The following COL26A1 variants were observed in gnomAD, a reference collection of about 807,000 sequenced individuals.
The protein encoded by COL26A1 is collagen alpha-1(XXVI) chain.
COL26A1 carries 41 observed loss-of-function variants against 59.3 expected under a neutral mutation model. That is an observed-to-expected ratio of 0.69 (90% CI 0.54 to 0.90). COL26A1 has a LOEUF of 0.90. Among genes scored for constraint, COL26A1 ranks in the 40% least tolerant of loss-of-function variants. The probability of loss-of-function intolerance (pLI) is 0.00; values close to 1 mark genes in which losing one functional copy is unlikely to be tolerated. For missense variants in COL26A1, 612 were observed against 602.3 expected (o/e 1.02, Z -0.17); for synonymous variants, 266 against 256.0 (o/e 1.04, Z -0.37).
chr7:101,431,645 G>A (rs1792782590), intron 2 of COL26A1, among the ~76,000 whole-genome samples: 1 of 151,960 alleles, frequency 6.6e-6, no homozygotes, highest in Non-Finnish European at 1.5e-5. Context: ...AATTATGGGT[G>A]TTGAATTTTG....
At chr7:101,422,701 G>A (rs1017618158) in intron 2 of COL26A1, among the ~76,000 whole-genome samples, 2 of 151,956 alleles carry the variant, frequency 1.3e-5, no homozygotes, top group Non-Finnish European at 2.9e-5. Flanking sequence ...GGAGTGCAGT[G>A]GTGCAATCAT....
At chr7:101,423,720 G>A (rs1584395352) in intron 2 of COL26A1, among the ~76,000 whole-genome samples, 1 of 152,214 alleles carries the variant, frequency 6.6e-6, no homozygotes, top group East Asian at 1.9e-4. Context: ...GGGCGACAGA[G>A]TGAGACTCCG....
At chr7:101,471,437 T>C (rs1437556025) in intron 3 of COL26A1, among the ~76,000 whole-genome samples, 1 of 152,102 alleles carries the variant, frequency 6.6e-6, no homozygotes, top group Non-Finnish European at 1.5e-5. Context: ...GCTAAGATAA[T>C]GTATTAGAGA....
intron 3 of COL26A1, among the ~76,000 whole-genome samples, chr7:101,523,842 T>TTTTC (rs1795186318): frequency 6.6e-6 from 1 of 152,138 alleles, no homozygotes; most frequent in Non-Finnish European, 1.5e-5. Flanking sequence ...GACATTTGTA[T>TTTTC]TTTCATATAC....
chr7:101,430,392 G>A (rs1254435742), intron 2 of COL26A1, among the ~76,000 whole-genome samples: 1 of 151,838 alleles, frequency 6.6e-6, no homozygotes, highest in Non-Finnish European at 1.5e-5. Context: ...GGGTTCAAGC[G>A]ATTCTCCTGC....
intron 3 of COL26A1, among the ~76,000 whole-genome samples, chr7:101,520,243 T>C (rs1381903182): frequency 6.6e-6 from 1 of 152,000 alleles, no homozygotes; most frequent in Admixed American, 6.5e-5. Flanking sequence ...GGTCTCAGGG[T>C]ACGCTCTTGA....
intron 2 of COL26A1, among the ~76,000 whole-genome samples, chr7:101,422,730 A>G (rs536785751): frequency 2.0e-5 from 3 of 152,068 alleles, no homozygotes; most frequent in Admixed American, 6.6e-5. Flanking sequence ...GCAGCTTCCA[A>G]TTGCTGGGCT....
In COL26A1 at chr7:101,554,567, T is replaced by TAAAAAAAAA. The variant is rs57638079; in HGVS notation, c.1081-1205_1081-1197dup. Among the ~76,000 whole-genome samples, 440 of 120,440 alleles carry TAAAAAAAAA rather than the reference T, an allele frequency of 3.7e-3. 5 individuals carry two copies. Among genetic ancestry groups the TAAAAAAAAA allele is most frequent in the African/African-American group, 0.012 (388 of 31,876 alleles). 79.0% of individuals were successfully genotyped at this position (120,440 alleles called of 152,430 possible). ...GGAAACCTAGCGAGACCCCATTTCT[T>TAAAAAAAAA]AAAAAAAAAAAAAAAAAAAAAAAGT... On this transcript the variant is annotated intron_variant, in intron 11 of 12. Transcript: ENST00000313669.
intron 3 of COL26A1, among the ~76,000 whole-genome samples, chr7:101,522,445 G>A (rs1268137869): frequency 6.6e-6 from 1 of 152,204 alleles, no homozygotes; most frequent in Admixed American, 6.5e-5. Context: ...GGGCTGAGAA[G>A]TCTAAGATCA....
At chr7:101,502,007 G>T (rs994705540) in intron 3 of COL26A1, among the ~76,000 whole-genome samples, 2 of 152,158 alleles carry the variant, frequency 1.3e-5, no homozygotes, top group African/African-American at 4.8e-5. Context: ...AGCGTTCCCT[G>T]GTCTTTCCAG....
intron 1 of COL26A1, among the ~76,000 whole-genome samples, chr7:101,372,847 T>C (rs1791226074): frequency 6.6e-6 from 1 of 151,938 alleles, no homozygotes. Flanking sequence ...AATAAAAAAT[T>C]AGCCAGGTGT....
At chr7:101,410,729 G>C (rs1165267741) in intron 1 of COL26A1, among the ~76,000 whole-genome samples, 1 of 151,476 alleles carries the variant, frequency 6.6e-6, no homozygotes, top group Non-Finnish European at 1.5e-5. Flanking sequence ...ACGGAGTCTT[G>C]CTCTGTAGCC....
chr7:101,373,886 A>G lies in COL26A1; in HGVS notation c.158+10696A>G, dbSNP rs1403421297. On this transcript the variant is annotated intron_variant, in intron 1 of 12. Coordinates refer to ENST00000313669, the MANE Select transcript of COL26A1 (RefSeq NM_001278563.3). ...ATCTGTTATTTTAAAATCCATTCCC[A>G]GAGAAACAATTCCTATGGCAATAAG... Among the ~76,000 whole-genome samples the G allele has an allele frequency of 2.6e-5, 4 of 152,252 alleles. No homozygotes were observed. The East Asian group carries it at 7.7e-4, about 29-fold the overall frequency.
intron 1 of COL26A1, among the ~76,000 whole-genome samples, chr7:101,385,551 A>G (rs1262818396): frequency 6.6e-6 from 1 of 151,220 alleles, no homozygotes; most frequent in African/African-American, 2.4e-5. Context: ...TTGTATTTTT[A>G]GTAGAGATGG....
At chr7:101,408,844 T>G (rs536009657) in intron 1 of COL26A1, among the ~76,000 whole-genome samples, 1 of 152,330 alleles carries the variant, frequency 6.6e-6, no homozygotes, top group South Asian at 2.1e-4. Flanking sequence ...CTGTCTCTGC[T>G]GGCTCCTGGT....
intron 1 of COL26A1, among the ~76,000 whole-genome samples, chr7:101,415,301 C>T (rs1217796071): frequency 6.6e-6 from 1 of 151,910 alleles, no homozygotes; most frequent in Non-Finnish European, 1.5e-5. Context: ...TACAGGCGCC[C>T]TCCACCATGC....
intron 2 of COL26A1, among the ~76,000 whole-genome samples, chr7:101,434,050 C>A (rs1328953665): frequency 3.2e-5 from 1 of 31,566 alleles, no homozygotes; most frequent in Non-Finnish European, 7.3e-5. Context: ...CCTTCCCTCC[C>A]TCCCTCCCTC....
At chr7:101,367,579 C>T (rs557607833) in intron 1 of COL26A1, among the ~76,000 whole-genome samples, 18 of 151,296 alleles carry the variant, frequency 1.2e-4, no homozygotes, top group South Asian at 4.2e-4. Flanking sequence ...GCACTAAAAT[C>T]GCTTAAGCCC....
intron 3 of COL26A1, among the ~76,000 whole-genome samples, chr7:101,452,878 T>C (rs943478388): frequency 6.6e-6 from 1 of 151,998 alleles, no homozygotes; most frequent in Non-Finnish European, 1.5e-5. Context: ...GATTCTCCTG[T>C]CTTAGCCTCC....
Sources: gnomAD v4.1 joint callset for allele counts (sites outside exome capture counted in the v4.1 genomes callset) on GRCh38, gnomAD v4.1.1 for gene constraint, MANE v1.5 for transcripts, NCBI Gene and HGNC (gene_info 2026-07-23, HGNC 2026-07-21) for gene names.